The following METTL4 variants were observed in gnomAD, a reference collection of about 807,000 sequenced individuals.
The protein encoded by METTL4 is methyltransferase 4, N6-adenosine, also known as N(6)-adenine-specific methyltransferase METTL4.
METTL4 carries 40 observed loss-of-function variants against 54.0 expected under a neutral mutation model. The ratio of observed to expected loss-of-function variants is 0.74; its 90% CI spans 0.58 to 0.96. The LOEUF is 0.96. METTL4 is among the 50% of genes least tolerant of loss of function. The probability of loss-of-function intolerance (pLI) is 0.00; values close to 1 mark genes in which losing one functional copy is unlikely to be tolerated. For missense variants in METTL4, 525 were observed against 549.0 expected, an observed-to-expected ratio of 0.96 and a Z score of 0.44; for synonymous variants, 169 against 183.8, an observed-to-expected ratio of 0.92 and a Z score of 0.65.
At chr18:2,556,407 G>C (rs2072239836) in intron 3 of METTL4, among the ~76,000 whole-genome samples, 2 of 151,802 alleles carry the variant, frequency 1.3e-5, no homozygotes, top group African/African-American at 4.8e-5. Context: ...CTTTTTCTGA[G>C]AAAAAAGCTC....
intron 8 of METTL4, among the ~76,000 whole-genome samples, chr18:2,543,265 TAAC>T (rs1399873942): frequency 6.6e-6 from 1 of 152,202 alleles, no homozygotes; most frequent in East Asian, 1.9e-4. Flanking sequence ...TTCTGCAAGG[TAAC>T]ATAAGCTCCT....
chr18:2,548,017 C>T (rs2072097717), intron 5 of METTL4, among the ~76,000 whole-genome samples: 1 of 152,134 alleles, frequency 6.6e-6, no homozygotes, highest in Non-Finnish European at 1.5e-5. Context: ...GCCCTAGAAT[C>T]CTCAAACCCT....
intron 1 of METTL4, among the ~76,000 whole-genome samples, chr18:2,570,406 T>C (rs2072485599): frequency 6.6e-6 from 1 of 152,224 alleles, no homozygotes; most frequent in Admixed American, 6.5e-5. Flanking sequence ...ATTTCTGTAC[T>C]AAAGGTGTTT....
intron 3 of METTL4, among the ~76,000 whole-genome samples, chr18:2,559,269 A>G (rs1362713621): frequency 2.0e-5 from 3 of 152,246 alleles, no homozygotes; most frequent in African/African-American, 7.2e-5. Flanking sequence ...AAAATGGAAT[A>G]TTTTTCAGCC....
chr18:2,549,946 A>G (rs760888454), intron 5 of METTL4, among the ~76,000 whole-genome samples: 13 of 151,874 alleles, frequency 8.6e-5, no homozygotes, highest in African/African-American at 1.5e-4. Flanking sequence ...ATGAGCCGAA[A>G]TCATACCATT....
At chr18:2,542,805 A>G (rs1317808236) in intron 8 of METTL4, among the ~76,000 whole-genome samples, 1 of 152,284 alleles carries the variant, frequency 6.6e-6, no homozygotes, top group East Asian at 1.9e-4. Context: ...AGACATCTGT[A>G]TATGTCTCAA....
intron 3 of METTL4, among the ~76,000 whole-genome samples, chr18:2,559,464 T>C (rs535273572): frequency 6.6e-6 from 1 of 152,306 alleles, no homozygotes; most frequent in East Asian, 1.9e-4. Flanking sequence ...GGGGAGTTAC[T>C]ATTTAATGTG....
In METTL4 at chr18:2,538,971, A is replaced by G; in HGVS notation, c.*29T>C. 3.1e-6 allele frequency: 5 copies of G among 1,599,246 alleles called. No individual in the cohort carries two copies. Among genetic ancestry groups the G allele is most frequent in the Non-Finnish European group, 4.3e-6 (5 of 1,172,410 alleles). Reference sequence around the variant, plus strand: ...GGGAAAAGTGGTGAGGAAACAATGAAGAAACCACTACTTTAATCAAGATCA... The same window carrying G: ...GGGAAAAGTGGTGAGGAAACAATGAGGAAACCACTACTTTAATCAAGATCA... On this transcript the variant is annotated 3_prime_UTR_variant, in exon 9 of 9. Transcript: ENST00000574538.
chr18:2,540,901 T>C (rs1487331919), intron 8 of METTL4: 5 of 985,330 alleles, frequency 5.1e-6, no homozygotes, highest in Non-Finnish European at 6.0e-6. Flanking sequence ...CAGTCAAAAA[T>C]GTTTCCTCTT....
At chr18:2,556,771 A>G (rs1185308736) in intron 3 of METTL4, among the ~76,000 whole-genome samples, 1 of 152,116 alleles carries the variant, frequency 6.6e-6, no homozygotes, top group Non-Finnish European at 1.5e-5. Context: ...AAGACAGAAA[A>G]AGTATTTGAG....
chr18:2,563,130 A>C (rs2072347037), intron 3 of METTL4, among the ~76,000 whole-genome samples: 1 of 152,182 alleles, frequency 6.6e-6, no homozygotes, highest in African/African-American at 2.4e-5. Flanking sequence ...TATGTTCTAG[A>C]AACATATCCT....
At position 2,567,184 on chromosome 18, in the gene METTL4, C is replaced by T; in HGVS notation, c.33G>A (p.Trp11Ter). ...TGATAAAAGAAAGATGATCCAGTAACCACCCAGCTGACAACTGGTGTACCA... is the reference window on the plus strand; with the variant it reads ...TGATAAAAGAAAGATGATCCAGTAATCACCCAGCTGACAACTGGTGTACCA... MSVVHQLSAG[W>*]LLDHLSFINK... The change falls in exon 2 of 9, where the codon TGG becomes TGA. Residue 11 changes from tryptophan (W) to a stop codon, truncating the protein, a stop_gained. Transcript: ENST00000574538. LOFTEE classifies it high-confidence loss of function. 6.2e-7 allele frequency: 1 copy of T among 1,612,110 alleles called. No individual in the cohort carries two copies. The highest frequency in any genetic ancestry group is 8.5e-7 in the Non-Finnish European group (1 of 1,178,898).
chr18:2,539,457 C>T (rs1355493181), intron 8 of METTL4, among the ~76,000 whole-genome samples: 1 of 147,076 alleles, frequency 6.8e-6, no homozygotes, highest in Non-Finnish European at 1.5e-5. Flanking sequence ...TGATATATCT[C>T]CTGAGTATTA....
At position 2,538,070 on chromosome 18, in the gene METTL4, A is replaced by C. The variant is rs756916598; in HGVS notation, c.*930T>G. On this transcript the variant is annotated 3_prime_UTR_variant, in exon 9 of 9. Transcript: ENST00000574538. ...GAGAATTTTGTGAAAATTATACCTC[A>C]ATTTTTAAAAAGTCAATACATAATA... is the stretch of plus-strand genomic sequence containing the variant. 29 of 396,684 alleles carry C rather than the reference A, an allele frequency of 7.3e-5. No homozygotes were observed. The highest frequency in any genetic ancestry group is 1.2e-4 in the Non-Finnish European group (26 of 225,388). 24.6% of individuals were successfully genotyped at this position (396,684 alleles called of 1,614,324 possible).
intron 1 of METTL4, among the ~76,000 whole-genome samples, chr18:2,569,283 T>C (rs1259551370): frequency 2.0e-5 from 3 of 152,196 alleles, no homozygotes; most frequent in African/African-American, 7.2e-5. Context: ...CTGTGAATGA[T>C]ACTAACTTTT....
rs149802331 is a variant in METTL4, at chr18:2,537,595, T to A, written c.*1405A>T. ...TAAATAACAAGTTAGAATAGCTCCA[T>A]AAATACAAAATTAAGCCTCTGATAC... is the stretch of plus-strand genomic sequence containing the variant. On this transcript the variant is annotated 3_prime_UTR_variant, in exon 9 of 9. Coordinates refer to ENST00000574538, the MANE Select transcript of METTL4 (RefSeq NM_022840.5). 2.9e-4 allele frequency: 89 copies of A among 308,084 alleles called. No homozygotes were observed. The East Asian group carries it at 3.9e-3, about 13-fold the overall frequency. The allele number at this position is 308,084 out of a possible 1,614,324, so 19.1% of individuals were successfully genotyped here.
rs540898328 is a variant in METTL4, at chr18:2,563,070, G to T, written c.459+727C>A. 6.6e-5 allele frequency among the ~76,000 whole-genome samples: 10 copies of T among 152,028 alleles called. No individual in the cohort carries two copies. The South Asian group carries it at 1.9e-3, about 28-fold the overall frequency. On this transcript the variant is annotated intron_variant, in intron 3 of 8. Transcript: ENST00000574538. ...AAAAAATTAAGCTTAAAATATTTGT[G>T]TTCATTCTGTTTCTTCTCATTTCTT...
chr18:2,558,713 T>C (rs556351494), intron 3 of METTL4, among the ~76,000 whole-genome samples: 2 of 152,112 alleles, frequency 1.3e-5, no homozygotes, highest in South Asian at 2.1e-4. Context: ...CTTTGAATAT[T>C]TGTAAATCAT....
chr18:2,565,995 T>G (rs972943549), intron 2 of METTL4, among the ~76,000 whole-genome samples: 11 of 149,228 alleles, frequency 7.4e-5, no homozygotes, highest in African/African-American at 2.7e-4. Flanking sequence ...TGCAGTGAGC[T>G]GAGATAGCAC....
Sources: gnomAD v4.1 joint callset for allele counts (sites outside exome capture counted in the v4.1 genomes callset) on GRCh38, gnomAD v4.1.1 for gene constraint, MANE v1.5 for transcripts, NCBI Gene and HGNC (gene_info 2026-07-23, HGNC 2026-07-21) for gene names.